The following CREG1 variants were observed in gnomAD, a reference collection of about 807,000 sequenced individuals.
CREG1 encodes the protein cellular repressor of E1A stimulated genes 1.
A neutral mutation model predicts 19.9 loss-of-function variants in CREG1; 20 were observed. That is an observed-to-expected ratio of 1.01 (90% CI 0.71 to 1.46). The LOEUF (loss-of-function observed/expected upper bound fraction) is 1.46. CREG1 is among the 40% of genes most tolerant of loss of function. CREG1 has a pLI of 0.00. For missense variants in CREG1, 290 were observed against 314.9 expected (o/e 0.92, Z 0.60); for synonymous variants, 141 against 143.3 (o/e 0.98, Z 0.12).
intron 1 of CREG1, among the ~76,000 whole-genome samples, chr1:167,549,087 A>C (rs1463166282): frequency 6.6e-6 from 1 of 152,190 alleles, no homozygotes; most frequent in African/African-American, 2.4e-5. Flanking sequence ...AGGTGGGAGG[A>C]CATATTAAAG....
At chr1:167,553,323 T>C (rs1331689209) in intron 1 of CREG1, 65 bp downstream of exon 1, 7 of 1,197,726 alleles carry the variant, frequency 5.8e-6, no homozygotes, top group Non-Finnish European at 7.6e-6. Context: ...CTGGGGAGAG[T>C]GAAGGCTCGC....
Position 167,553,586 on chromosome 1 carries a change from GC to G in CREG1, c.155del (p.Arg52ProfsTer11). The G allele has an allele frequency of 7.0e-7, 1 of 1,430,620 alleles. No homozygotes were observed. Among genetic ancestry groups the G allele is most frequent in the Non-Finnish European group, 9.1e-7 (1 of 1,097,104 alleles). The allele number at this position is 1,430,620 out of a possible 1,614,324, so 88.6% of individuals were successfully genotyped here. ...EASRLPPLPPREDAARVARFV... is the reference protein window; with the variant it reads ...EASRLPPLPPXEDAARVARFV... Reference sequence around the variant, plus strand: ...AGCGGGCCACGCGCGCCGCGTCCTCGCGGGGTGGTAGCGGCGGCAGCCGGGA... The same window carrying G: ...AGCGGGCCACGCGCGCCGCGTCCTCGGGGGTGGTAGCGGCGGCAGCCGGGA... On this transcript the variant is annotated frameshift_variant, in exon 1 of 4. Coordinates refer to ENST00000370509, the MANE Select transcript of CREG1 (RefSeq NM_003851.3). LOFTEE classifies it high-confidence loss of function.
chr1:167,553,460 C>A lies in CREG1; in HGVS notation c.282G>T (p.Gly94=), dbSNP rs747054186. ...GCACGCCGCTGCCCGCGCCCGGGGG[C>A]CCGTCGCTGAGCGAGAGGACGTCGG... ...PFADVLSLSD[G]PPGAGSGVPY... is the part of the protein sequence containing the mutation. Residue 94 remains glycine (G), a synonymous_variant, in exon 1 of 4, where the codon GGG becomes GGT. Coordinates refer to ENST00000370509, the MANE Select transcript of CREG1 (RefSeq NM_003851.3). The A allele has an allele frequency of 6.7e-7, 1 of 1,482,938 alleles. No homozygotes were observed. Among genetic ancestry groups the A allele is most frequent in the Non-Finnish European group, 8.9e-7 (1 of 1,123,824 alleles). 91.9% of individuals were successfully genotyped at this position (1,482,938 alleles called of 1,614,324 possible).
At chr1:167,543,390 G>T (rs1341203280) in intron 3 of CREG1, among the ~76,000 whole-genome samples, 1 of 152,172 alleles carries the variant, frequency 6.6e-6, no homozygotes. Context: ...GTTAAGCTCC[G>T]TATCAGCTCT....
intron 3 of CREG1, among the ~76,000 whole-genome samples, chr1:167,545,134 T>C (rs1439071100): frequency 7.9e-5 from 12 of 152,086 alleles, no homozygotes; most frequent in Admixed American, 7.9e-4. Context: ...CTGGGGCTGA[T>C]GGGATGGGGT....
rs772565366 is a variant in CREG1 at position 167,542,317 on chromosome 1, G to C, written c.660-16C>G. ...TCTGCTTCACCTAGAAAGGGGAACA[G>C]AGAAGAATTATTTTGTTAAACTGGG... On this transcript the variant is annotated splice_polypyrimidine_tract_variant and intron_variant, in intron 3 of 3. Transcript: ENST00000370509. 2 of 1,600,374 alleles carry C rather than the reference G, an allele frequency of 1.2e-6. No homozygotes were observed. The highest frequency in any genetic ancestry group is 1.3e-5 in the African/African-American group (1 of 74,176).
In CREG1 at chr1:167,553,745, G is replaced by T. The variant is rs556324465; in HGVS notation, c.-4C>A. 4.2e-5 allele frequency: 53 copies of T among 1,272,818 alleles called. No individual in the cohort carries two copies. The East Asian group carries it at 1.6e-3, about 39-fold the overall frequency. The allele number at this position is 1,272,818 out of a possible 1,614,324, so 78.8% of individuals were successfully genotyped here. A position where few individuals can be genotyped will look rare whatever the true frequency, so the allele number is the denominator to read the frequency against. Reference sequence around the variant, plus strand: ...ACCCGCGGGATAGCCCGGCCATGGCGGTGTCTCCAGGAAGAGTCCCGGGCC... The same window carrying T: ...ACCCGCGGGATAGCCCGGCCATGGCTGTGTCTCCAGGAAGAGTCCCGGGCC... On this transcript the variant is annotated 5_prime_UTR_variant, in exon 1 of 4. Transcript: ENST00000370509.
At chr1:167,551,119 T>C (rs1419210595) in intron 1 of CREG1, among the ~76,000 whole-genome samples, 1 of 152,160 alleles carries the variant, frequency 6.6e-6, no homozygotes, top group African/African-American at 2.4e-5. Context: ...ACATTTACTA[T>C]ACAAAAATGC....
chr1:167,547,554 T>C (rs1252534303), intron 2 of CREG1, among the ~76,000 whole-genome samples: 1 of 152,202 alleles, frequency 6.6e-6, no homozygotes, highest in Non-Finnish European at 1.5e-5. Context: ...TTTCATGGAA[T>C]TACTTCACCT....
In CREG1 at chr1:167,548,008, C is replaced by T. The variant is rs1656358204; in HGVS notation, c.468G>A (p.Val156=). 6.2e-7 allele frequency: 1 copy of T among 1,610,546 alleles called. No homozygotes were observed. The highest frequency in any genetic ancestry group is 8.5e-7 in the Non-Finnish European group (1 of 1,177,014). The change falls in exon 2 of 4, where the codon GTG becomes GTA. Residue 156 remains valine (V), a synonymous_variant. Coordinates refer to ENST00000370509, the MANE Select transcript of CREG1 (RefSeq NM_003851.3). The stretch of plus-strand genomic sequence containing the variant: ...CTGTAGGATAACTACTTACCTTGGT[C>T]ACAGTTCCTGACAGCATTATGTGAA... The part of the protein sequence containing the change: ...LCVHIMLSGT[V]TKVNETEMDI...
intron 3 of CREG1, among the ~76,000 whole-genome samples, chr1:167,545,288 G>T (rs1571624912): frequency 6.6e-6 from 1 of 152,100 alleles, no homozygotes; most frequent in African/African-American, 2.4e-5. Flanking sequence ...TCAACCTGGT[G>T]TCCAGGCCTG....
chr1:167,545,199 A>C (rs2102149434), intron 3 of CREG1, among the ~76,000 whole-genome samples: 1 of 152,282 alleles, frequency 6.6e-6, no homozygotes, highest in Admixed American at 6.5e-5. Flanking sequence ...CCTGAGTCTA[A>C]GCCTCATGAG....
intron 1 of CREG1, among the ~76,000 whole-genome samples, chr1:167,551,388 T>C (rs1255624824): frequency 1.3e-5 from 2 of 152,216 alleles, no homozygotes; most frequent in Non-Finnish European, 2.9e-5. Context: ...CAAATTCTAA[T>C]GTGGCCACTT....
At chr1:167,546,357 G>A in intron 2 of CREG1, 72 bp from the exon 3 acceptor site, 2 of 1,111,138 alleles carry the variant, frequency 1.8e-6, no homozygotes. Flanking sequence ...AAGAATGTGT[G>A]ATTAGGCCGG....
chr1:167,546,234 G>A lies in CREG1; in HGVS notation c.526C>T (p.Pro176Ser). 1 of 1,611,722 alleles carries A rather than the reference G, an allele frequency of 6.2e-7. No individual in the cohort carries two copies. Among genetic ancestry groups the A allele is most frequent in the Non-Finnish European group, 8.5e-7 (1 of 1,179,048 alleles). Residue 176 changes from proline (P) to serine (S), a missense_variant, in exon 3 of 4, where the codon CCT (proline) becomes TCT (serine). Coordinates refer to ENST00000370509, the MANE Select transcript of CREG1 (RefSeq NM_003851.3). Reference sequence around the variant, plus strand: ...CTGGAAGGCCAGGTTTTCATCTCAGGGTGTCGAATGAATAACGAATGCTTT... The same window carrying A: ...CTGGAAGGCCAGGTTTTCATCTCAGAGTGTCGAATGAATAACGAATGCTTT... ...IAKHSLFIRHPEMKTWPSSHN... is the reference protein window; with the variant it reads ...IAKHSLFIRHSEMKTWPSSHN...
rs759385722 is a variant in CREG1, at chr1:167,546,186, A to G, written c.574T>C (p.Leu192=). 24 of 1,613,668 alleles carry G rather than the reference A, an allele frequency of 1.5e-5. No individual in the cohort carries two copies. Among genetic ancestry groups the G allele is most frequent in the Non-Finnish European group, 1.9e-5 (22 of 1,179,946 alleles). The part of the protein sequence containing the change: ...PSSHNWFFAK[L]NITNIWVLDY... ...AGGACCCAGATATTGGTTATATTCA[A>G]CTTAGCAAAGAACCAATTATGGCTG... is the stretch of plus-strand genomic sequence containing the variant. The change falls in exon 3 of 4, where the codon TTG becomes CTG. Residue 192 remains leucine, a synonymous_variant. Transcript: ENST00000370509.
At chr1:167,545,125 T>C (rs1175653778) in intron 3 of CREG1, among the ~76,000 whole-genome samples, 1 of 152,142 alleles carries the variant, frequency 6.6e-6, no homozygotes, top group Non-Finnish European at 1.5e-5. Flanking sequence ...TTTGTAGTAC[T>C]GGGGCTGATG....
chr1:167,548,094 T>G lies in CREG1; in HGVS notation c.382A>C (p.Thr128Pro). 1.9e-6 allele frequency: 3 copies of G among 1,613,012 alleles called. No homozygotes were observed. Among genetic ancestry groups the G allele is most frequent in the Non-Finnish European group, 2.5e-6 (3 of 1,178,984 alleles). ...TTGCAGAAGTTGGTCTGTGCCAAAG[T>G]CATGGTCAGTGTAGCATATGGATTC... ...QENPYATLTMTLAQTNFCKKH... is the reference protein window; with the variant it reads ...QENPYATLTMPLAQTNFCKKH... Residue 128 changes from threonine to proline, a missense_variant, in exon 2 of 4, where the codon ACT (threonine) becomes CCT (proline). Thr to Pro is a conservative substitution (Grantham distance 38). Transcript: ENST00000370509.
At chr1:167,552,940 G>A (rs1656444555) in intron 1 of CREG1, among the ~76,000 whole-genome samples, 1 of 151,884 alleles carries the variant, frequency 6.6e-6, no homozygotes, top group Non-Finnish European at 1.5e-5. Flanking sequence ...CCAGCTACTC[G>A]GTAGGCTGAG....
Sources: gnomAD v4.1 joint callset for allele counts (sites outside exome capture counted in the v4.1 genomes callset) on GRCh38, gnomAD v4.1.1 for gene constraint, MANE v1.5 for transcripts, NCBI Gene and HGNC (gene_info 2026-07-23, HGNC 2026-07-21) for gene names.